Variants in DCDC1 observed in about 807,000 individuals in gnomAD.
DCDC1 encodes doublecortin domain-containing protein 1.
DCDC1 carries 200 observed loss-of-function variants against 178.3 expected under a neutral mutation model. The ratio of observed to expected loss-of-function variants is 1.12; its 90% CI spans 1.00 to 1.26. The LOEUF (loss-of-function observed/expected upper bound fraction) is 1.26, where lower values mean the gene tolerates loss of function less well. Among genes scored for constraint, DCDC1 ranks in the 50% most tolerant of loss-of-function variants. The pLI, the probability that DCDC1 is intolerant of heterozygous loss-of-function variation, is 0.00. For synonymous variants in DCDC1, 690 were observed against 604.8 expected, an observed-to-expected ratio of 1.14 and a Z score of -2.07; for missense variants, 1,983 against 1,749.2, an observed-to-expected ratio of 1.13 and a Z score of -2.38.
intron 1 of DCDC1, among the ~76,000 whole-genome samples, chr11:31,357,708 T>C (rs1300943764): frequency 1.3e-5 from 2 of 152,014 alleles, no homozygotes; most frequent in African/African-American, 4.8e-5. Context: ...CAGCCCAAAA[T>C]CTCCTTAAGC....
intron 9 of DCDC1, among the ~76,000 whole-genome samples, chr11:31,211,795 C>G (rs1264945503): frequency 7.9e-5 from 12 of 151,974 alleles, no homozygotes; most frequent in Admixed American, 6.6e-4. Context: ...TAAAAAAAAG[C>G]TAAGCAGCCG....
chr11:31,038,895 A>G (rs903169433), intron 20 of DCDC1, among the ~76,000 whole-genome samples: 1 of 152,162 alleles, frequency 6.6e-6, no homozygotes, highest in African/African-American at 2.4e-5. Context: ...GAGAGAGATA[A>G]AGAAAGTTTA....
intron 20 of DCDC1, among the ~76,000 whole-genome samples, chr11:31,044,318 A>G (rs1303685258): frequency 6.6e-6 from 1 of 152,116 alleles, no homozygotes; most frequent in Non-Finnish European, 1.5e-5. Context: ...TCTGCTAAAA[A>G]TACAAAAAAT....
chr11:31,336,043 T>C (rs569951353), intron 1 of DCDC1, among the ~76,000 whole-genome samples: 2 of 152,334 alleles, frequency 1.3e-5, no homozygotes, highest in South Asian at 2.1e-4. Flanking sequence ...AAAAAAACCA[T>C]TGTGCCCTAT....
intron 17 of DCDC1, among the ~76,000 whole-genome samples, chr11:31,087,359 C>T (rs1218910922): frequency 1.3e-5 from 2 of 151,388 alleles, no homozygotes; most frequent in East Asian, 3.9e-4. Context: ...TTACTGATTT[C>T]CACTCTTTTA....
intron 20 of DCDC1, among the ~76,000 whole-genome samples, chr11:30,997,356 T>C (rs1454865670): frequency 6.6e-6 from 1 of 152,068 alleles, no homozygotes; most frequent in East Asian, 1.9e-4. Flanking sequence ...CAAAACAAAA[T>C]CAGGATTTGG....
At chr11:31,191,768 A>G (rs1164883833) in intron 9 of DCDC1, among the ~76,000 whole-genome samples, 8 of 152,142 alleles carry the variant, frequency 5.3e-5, no homozygotes, top group African/African-American at 1.9e-4. Context: ...CCAGTCTAGT[A>G]GGCCTTCTCA....
intron 20 of DCDC1, among the ~76,000 whole-genome samples, chr11:31,052,094 G>A (rs72882671): frequency 6.6e-6 from 1 of 152,230 alleles, no homozygotes; most frequent in Non-Finnish European, 1.5e-5. Flanking sequence ...ACTATCTGCT[G>A]CCTTCAAGAG....
intron 20 of DCDC1, among the ~76,000 whole-genome samples, chr11:30,955,568 C>T (rs1267168713): frequency 6.6e-6 from 1 of 152,224 alleles, no homozygotes; most frequent in Non-Finnish European, 1.5e-5. Context: ...AACTACACCA[C>T]TTTCAAAATC....
chr11:31,254,990 C>G (rs1431433718), intron 8 of DCDC1, among the ~76,000 whole-genome samples: 1 of 152,104 alleles, frequency 6.6e-6, no homozygotes, highest in Non-Finnish European at 1.5e-5. Context: ...TGCATTCTGT[C>G]TCTGTGGATT....
intron 8 of DCDC1, among the ~76,000 whole-genome samples, chr11:31,249,430 T>C (rs996367495): frequency 1.3e-5 from 2 of 152,164 alleles, no homozygotes; most frequent in Non-Finnish European, 2.9e-5. Flanking sequence ...TGTAGATCAA[T>C]AGTAAAAATA....
At chr11:30,916,001 A>G (rs1385157788) in intron 26 of DCDC1, among the ~76,000 whole-genome samples, 1 of 152,224 alleles carries the variant, frequency 6.6e-6, no homozygotes, top group African/African-American at 2.4e-5. Flanking sequence ...TTGACAAGGT[A>G]ATTTAAAGAG....
chr11:31,036,451 C>T (rs1344233010), intron 20 of DCDC1, among the ~76,000 whole-genome samples: 1 of 152,114 alleles, frequency 6.6e-6, no homozygotes, highest in Admixed American at 6.6e-5. Flanking sequence ...CCTGACCCAC[C>T]TATGTCTCTG....
intron 9 of DCDC1, among the ~76,000 whole-genome samples, chr11:31,200,862 T>A (rs977175243): frequency 3.9e-5 from 6 of 152,006 alleles, no homozygotes. Flanking sequence ...ATTTTGCATG[T>A]TCACATTTTT....
At chr11:30,944,577 T>C (rs1007190277) in intron 21 of DCDC1, among the ~76,000 whole-genome samples, 5 of 152,112 alleles carry the variant, frequency 3.3e-5, no homozygotes, top group East Asian at 1.9e-4. Context: ...TGCTTGAAAA[T>C]AGGACTGGAA....
intron 21 of DCDC1, among the ~76,000 whole-genome samples, chr11:30,937,916 C>T (rs555777954): frequency 3.3e-5 from 5 of 152,096 alleles, no homozygotes; most frequent in South Asian, 2.1e-4. Context: ...AGCTACTTTG[C>T]AGGCAACCCA....
intron 38 of DCDC1, among the ~76,000 whole-genome samples, chr11:30,866,636 T>C (rs2133895794): frequency 6.6e-6 from 1 of 152,276 alleles, no homozygotes; most frequent in Non-Finnish European, 1.5e-5. Flanking sequence ...AGATTCTTCC[T>C]CATAGCCCTC....
At chr11:31,009,777 G>T (rs987287857) in intron 20 of DCDC1, among the ~76,000 whole-genome samples, 4 of 152,148 alleles carry the variant, frequency 2.6e-5, no homozygotes. Context: ...TGCCTGAGAC[G>T]GTAATTTATA....
At chr11:31,229,937 T>C (rs1025866242) in intron 9 of DCDC1, among the ~76,000 whole-genome samples, 7 of 152,108 alleles carry the variant, frequency 4.6e-5, no homozygotes, top group South Asian at 2.1e-4. Context: ...GCTTTTCCTC[T>C]AAAATCAAAA....
Sources: allele counts gnomAD v4.1 joint callset (sites outside exome capture counted in the v4.1 genomes callset), GRCh38; gene constraint gnomAD v4.1.1; transcripts MANE v1.5; gene names NCBI Gene and HGNC (gene_info 2026-07-23, HGNC 2026-07-21).